The following CEP63 variants were observed in gnomAD, a reference collection of about 807,000 sequenced individuals.
CEP63 encodes centrosomal protein 63.
Under a neutral mutation model 89.1 loss-of-function variants are expected in CEP63, and 84 were observed. The observed-to-expected ratio is 0.94, with a 90% CI of 0.79 to 1.13. CEP63 has a LOEUF of 1.13. Among genes scored for constraint, CEP63 ranks in the 50% most tolerant of loss-of-function variants. CEP63 has a pLI of 0.00. For synonymous variants in CEP63, 267 were observed against 272.5 expected, an observed-to-expected ratio of 0.98 and a Z score of 0.20; for missense variants, 838 against 813.3, an observed-to-expected ratio of 1.03 and a Z score of -0.37.
chr3:134,593,204 G>C, the CEP63 span, among the ~76,000 whole-genome samples: 2 of 152,138 alleles, frequency 1.3e-5, no homozygotes, highest in African/African-American at 4.8e-5. Context: ...ATTTTATGAG[G>C]GGCTTGAGAC....
chr3:134,707,318 C>T, the CEP63 span, among the ~76,000 whole-genome samples: 4 of 152,094 alleles, frequency 2.6e-5, no homozygotes, highest in African/African-American at 4.8e-5. Flanking sequence ...AGAGGCAAGA[C>T]AACCAGCCCA....
the CEP63 span, among the ~76,000 whole-genome samples, chr3:134,718,808 G>A: frequency 1.4e-4 from 21 of 152,326 alleles, no homozygotes; most frequent in East Asian, 1.5e-3. Flanking sequence ...GATTTGATCA[G>A]ACTGGAGTGC....
At chr3:134,510,873 C>G (rs1332399124) in intron 3 of CEP63, 2 of 217,442 alleles carry the variant, frequency 9.2e-6, no homozygotes, top group Admixed American at 6.0e-5. Context: ...GAGCAGCAGA[C>G]TCTTCCAAGG....
At chr3:134,735,818 T>C in the CEP63 span, among the ~76,000 whole-genome samples, 3,236 of 152,090 alleles carry the variant, frequency 0.021, 110 homozygotes, top group African/African-American at 0.074. Context: ...AAAACTAAGC[T>C]CAGGTGATTT....
chr3:134,733,994 G>A, the CEP63 span, among the ~76,000 whole-genome samples: 1 of 152,148 alleles, frequency 6.6e-6, no homozygotes, highest in Non-Finnish European at 1.5e-5. Context: ...ACTTCAATAT[G>A]ATTTAACATT....
intron 10 of CEP63, among the ~76,000 whole-genome samples, chr3:134,583,050 T>G (rs1958398848): frequency 6.6e-6 from 1 of 152,238 alleles, no homozygotes; most frequent in African/African-American, 2.4e-5. Flanking sequence ...TGTAAATTTG[T>G]GTAAGTTCTT....
chr3:134,767,089 A>G, the CEP63 span, among the ~76,000 whole-genome samples: 17 of 152,088 alleles, frequency 1.1e-4, no homozygotes, highest in Admixed American at 2.6e-4. Context: ...CAGCCCTCCT[A>G]CTTGGCTTCA....
the CEP63 span, among the ~76,000 whole-genome samples, chr3:134,704,857 G>A: frequency 1.6e-4 from 24 of 152,322 alleles, no homozygotes; most frequent in South Asian, 6.2e-4. Flanking sequence ...GAGGTGGGGC[G>A]TGGCAGGGGT....
At chr3:134,651,287 C>A in the CEP63 span, 20 of 1,187,032 alleles carry the variant, frequency 1.7e-5, no homozygotes, top group Non-Finnish European at 2.1e-5. Flanking sequence ...CCCTGCCTCC[C>A]GCCCGGTGCA....
At chr3:134,703,466 T>C in the CEP63 span, among the ~76,000 whole-genome samples, 3,687 of 152,278 alleles carry the variant, frequency 0.024, 145 homozygotes, top group African/African-American at 0.084. Flanking sequence ...TGAGATCATG[T>C]CCTTTGCAGG....
the CEP63 span, among the ~76,000 whole-genome samples, chr3:134,656,444 A>C: frequency 6.6e-6 from 1 of 152,232 alleles, no homozygotes; most frequent in Non-Finnish European, 1.5e-5. Flanking sequence ...TCAGCTGCCC[A>C]TCTGAGTGGC....
chr3:134,726,741 G>A, the CEP63 span, among the ~76,000 whole-genome samples: 4 of 152,030 alleles, frequency 2.6e-5, no homozygotes, highest in East Asian at 1.9e-4. Flanking sequence ...TCACCCACAC[G>A]ACATAATTTC....
the CEP63 span, among the ~76,000 whole-genome samples, chr3:134,767,795 T>C: frequency 6.6e-6 from 1 of 152,204 alleles, no homozygotes; most frequent in Non-Finnish European, 1.5e-5. Flanking sequence ...CCAGGTGCCA[T>C]GCTCTGTTCA....
intron 14 of CEP63, 60 bp from the exon 15 acceptor site, chr3:134,561,317 G>T: frequency 3.5e-6 from 5 of 1,438,186 alleles, no homozygotes; most frequent in Non-Finnish European, 4.9e-6. Context: ...CATGAACAGT[G>T]TATCTTAGAA....
chr3:134,541,068 C>G (rs1951897860), intron 6 of CEP63, among the ~76,000 whole-genome samples: 1 of 152,160 alleles, frequency 6.6e-6, no homozygotes, highest in Admixed American at 6.5e-5. Flanking sequence ...AGGCGTGAAC[C>G]ATCGCACCTG....
the CEP63 span, among the ~76,000 whole-genome samples, chr3:134,729,617 T>C: frequency 6.6e-6 from 1 of 152,342 alleles, no homozygotes; most frequent in African/African-American, 2.4e-5. Context: ...CCCCATTAGT[T>C]TGAATGGTTT....
chr3:134,688,678 T>C, the CEP63 span, among the ~76,000 whole-genome samples: 1 of 152,156 alleles, frequency 6.6e-6, no homozygotes, highest in Non-Finnish European at 1.5e-5. Flanking sequence ...TGCTGTTCCA[T>C]CAGGAGCAAA....
At chr3:134,535,452 C>G (rs746777981) in intron 5 of CEP63, 2 of 151,732 alleles carry the variant, frequency 1.3e-5, no homozygotes, top group Non-Finnish European at 2.9e-5. Flanking sequence ...TCCTCAGTCT[C>G]CATTATTCCT....
At chr3:134,651,029 G>T in the CEP63 span, 1 of 1,601,942 alleles carries the variant, frequency 6.2e-7, no homozygotes, top group African/African-American at 1.3e-5. Context: ...AAATGGCCCC[G>T]TGCGCGCAGC....
Sources: allele counts gnomAD v4.1 joint callset (sites outside exome capture counted in the v4.1 genomes callset), GRCh38; gene constraint gnomAD v4.1.1; transcripts MANE v1.5; gene names NCBI Gene and HGNC (gene_info 2026-07-23, HGNC 2026-07-21).